The following SMAD5 variants were observed in gnomAD, a reference collection of about 807,000 sequenced individuals.
SMAD5 encodes MAD, mothers against decapentaplegic homolog 5.
A neutral mutation model predicts 43.1 loss-of-function variants in SMAD5; 9 were observed. That is an observed-to-expected ratio of 0.21 (90% CI 0.13 to 0.36). The LOEUF (loss-of-function observed/expected upper bound fraction) is 0.36, where lower values mean the gene tolerates loss of function less well. Ranked by LOEUF, SMAD5 falls within the 10% of genes least tolerant of loss-of-function variation. The pLI is 1.00. For missense variants in SMAD5, 348 were observed against 574.0 expected (o/e 0.61, Z 4.02); for synonymous variants, 190 against 192.4 (o/e 0.99, Z 0.10).
chr5:136,158,952 G>A (rs1049574329), intron 3 of SMAD5, among the ~76,000 whole-genome samples: 1 of 152,020 alleles, frequency 6.6e-6, no homozygotes, highest in Admixed American at 6.5e-5. Flanking sequence ...TAAATTATTT[G>A]ATTATTTGTT....
At chr5:136,146,303 G>A (rs1217010237) in intron 1 of SMAD5, among the ~76,000 whole-genome samples, 2 of 151,846 alleles carry the variant, frequency 1.3e-5, no homozygotes, top group Non-Finnish European at 2.9e-5. Context: ...AAAGACTGTT[G>A]CAGTTGCTAA....
rs150234733 is a variant in SMAD5, at chr5:136,149,337, C to T, written c.-170+1431C>T. Among the ~76,000 whole-genome samples the T allele has an allele frequency of 4.2e-3, 642 of 151,790 alleles. 10 individuals carry two copies. Among genetic ancestry groups the T allele is most frequent in the African/African-American group, 0.014 (596 of 41,442 alleles). On this transcript the variant is annotated intron_variant, in intron 2 of 7. Transcript: ENST00000545279. ...GCACTCATTTCTGTTGGATATATAC[C>T]TAGGAATGGAATTTCTGGGTCATAG...
intron 4 of SMAD5, 42 bp downstream of exon 4, chr5:136,161,149 T>G: frequency 6.4e-7 from 1 of 1,566,622 alleles, no homozygotes; most frequent in Non-Finnish European, 8.7e-7. Flanking sequence ...AAAAAATTCC[T>G]AAGAATCACA....
chr5:136,179,807 G>GA lies in SMAD5; in HGVS notation c.*2327_*2328insA, dbSNP rs1253469493. The GA allele has an allele frequency of 1.5e-5, 2 of 129,246 alleles. No individual in the cohort carries two copies. Among genetic ancestry groups the GA allele is most frequent in the African/African-American group, 6.9e-5 (2 of 28,906 alleles). The allele number at this position is 129,246 out of a possible 1,614,324, so 8.0% of individuals were successfully genotyped here. ...GCATGATCTCTGGAACAAATTTGTA[G>GA]GAAAAAATTACTCCAATTGAATGAC... On this transcript the variant is annotated 3_prime_UTR_variant, in exon 8 of 8. Coordinates refer to ENST00000545279, the MANE Select transcript of SMAD5 (RefSeq NM_005903.7).
At chr5:136,172,019 G>A (rs768287379) in intron 5 of SMAD5, among the ~76,000 whole-genome samples, 2 of 152,186 alleles carry the variant, frequency 1.3e-5, no homozygotes, top group Admixed American at 6.5e-5. Context: ...CATGCACTGA[G>A]GAGGGGCCAT....
At chr5:136,170,023 A>T (rs540195647) in intron 5 of SMAD5, among the ~76,000 whole-genome samples, 1 of 149,784 alleles carries the variant, frequency 6.7e-6, no homozygotes, top group Admixed American at 6.6e-5. Flanking sequence ...ACTTTTTCAG[A>T]TTTTTTTTTT....
chr5:136,171,522 CA>C (rs1354323674), intron 5 of SMAD5, among the ~76,000 whole-genome samples: 1 of 152,184 alleles, frequency 6.6e-6, no homozygotes, highest in Non-Finnish European at 1.5e-5. Context: ...AGGCCTAATG[CA>C]ATTTGCTTTG....
intron 5 of SMAD5, among the ~76,000 whole-genome samples, chr5:136,171,073 C>A (rs1754201986): frequency 6.6e-6 from 1 of 152,128 alleles, no homozygotes; most frequent in Non-Finnish European, 1.5e-5. Flanking sequence ...TTAGCAAGGA[C>A]TTCCAGTATG....
In SMAD5 at chr5:136,150,695, G is replaced by A. The variant is rs77426016; in HGVS notation, c.-170+2789G>A. ...GGATTTGGATTGGATCAGAAGGTGT[G>A]TATAGTGGAAGAGTAATGGGCAAGA... is the stretch of plus-strand genomic sequence containing the variant. On this transcript the variant is annotated intron_variant, in intron 2 of 7. Transcript: ENST00000545279. Among the ~76,000 whole-genome samples, 21 of 151,994 alleles carry A rather than the reference G, an allele frequency of 1.4e-4. No individual in the cohort carries two copies. In the South Asian group the frequency reaches 1.7e-3, roughly 12 times the overall value.
intron 5 of SMAD5, among the ~76,000 whole-genome samples, chr5:136,164,708 C>T (rs1020683696): frequency 2.0e-5 from 3 of 152,002 alleles, no homozygotes; most frequent in Non-Finnish European, 4.4e-5. Flanking sequence ...AGGGTAATAG[C>T]TTTAAATTTT....
chr5:136,176,698 TGAA>T (rs1409478449), intron 7 of SMAD5, among the ~76,000 whole-genome samples: 1 of 152,174 alleles, frequency 6.6e-6, no homozygotes, highest in Non-Finnish European at 1.5e-5. Context: ...ACCTTGCTGT[TGAA>T]GAGTTTTAAT....
chr5:136,161,032 C>T lies in SMAD5; in HGVS notation c.580C>T (p.Pro194Ser). ...TCCCTTATCTCCAAACAGCCCTTAT[C>T]CCCCTTCTCCTGCTAGCAGCACATA... ...PFPLSPNSPYPPSPASSTYPN... is the reference protein window; with the variant it reads ...PFPLSPNSPYSPSPASSTYPN... Residue 194 changes from proline (P) to serine (S), a missense_variant, in exon 4 of 8, where the codon CCC becomes TCC. Physicochemically the swap from Pro to Ser is moderately conservative, Grantham distance 74. Coordinates refer to ENST00000545279, the MANE Select transcript of SMAD5 (RefSeq NM_005903.7). 1 of 1,613,854 alleles carries T rather than the reference C, an allele frequency of 6.2e-7. No homozygotes were observed. The highest frequency in any genetic ancestry group is 8.5e-7 in the Non-Finnish European group (1 of 1,179,838).
In SMAD5 at chr5:136,153,626, T is replaced by C; in HGVS notation, c.-135T>C. 1 of 672,712 alleles carries C rather than the reference T, an allele frequency of 1.5e-6. No individual in the cohort carries two copies. The highest frequency in any genetic ancestry group is 2.5e-6 in the Non-Finnish European group (1 of 396,646). The allele number at this position is 672,712 out of a possible 1,614,324, so 41.7% of individuals were successfully genotyped here. A position where few individuals can be genotyped will look rare whatever the true frequency, so the allele number is the denominator to read the frequency against. Reference sequence around the variant, plus strand: ...CAATGAAAGAAGCATATGGCACTTGTGAAGATAAATGTTACTCCTCCCTTT... The same window carrying C: ...CAATGAAAGAAGCATATGGCACTTGCGAAGATAAATGTTACTCCTCCCTTT... On this transcript the variant is annotated 5_prime_UTR_variant, in exon 3 of 8. Coordinates refer to ENST00000545279, the MANE Select transcript of SMAD5 (RefSeq NM_005903.7).
chr5:136,132,848 CGGGTCCT>C lies in SMAD5; in HGVS notation c.-355_-349del, dbSNP rs971696982. On this transcript the variant is annotated 5_prime_UTR_variant, in exon 1 of 8. Transcript: ENST00000545279. ...GCTCCCTCTCCCTCCCTCCCTCATCCGGGTCCTGGGCGAGCGGGCGCCGTGCGCGTGT... is the reference window on the plus strand; with the variant it reads ...GCTCCCTCTCCCTCCCTCCCTCATCCGGGCGAGCGGGCGCCGTGCGCGTGT... The C allele has an allele frequency of 6.6e-6, 1 of 152,396 alleles. No homozygotes were observed. Among genetic ancestry groups the C allele is most frequent in the Non-Finnish European group, 1.5e-5 (1 of 68,160 alleles). 9.4% of individuals were successfully genotyped at this position (152,396 alleles called of 1,614,324 possible). A position where few individuals can be genotyped will look rare whatever the true frequency, so the allele number is the denominator to read the frequency against.
chr5:136,178,377 C>T lies in SMAD5; in HGVS notation c.*897C>T, dbSNP rs1754502337. On this transcript the variant is annotated 3_prime_UTR_variant, in exon 8 of 8. Transcript: ENST00000545279. ...AGCATAACCTTTGATAAAATACACT[C>T]AAGTGACTTGGACTTAGATGCTTAT... 6.6e-6 allele frequency: 1 copy of T among 152,650 alleles called. No individual in the cohort carries two copies. Among genetic ancestry groups the T allele is most frequent in the Non-Finnish European group, 1.5e-5 (1 of 68,044 alleles). The allele number at this position is 152,650 out of a possible 1,614,324, so 9.5% of individuals were successfully genotyped here.
At chr5:136,137,297 A>G (rs1167216523) in intron 1 of SMAD5, among the ~76,000 whole-genome samples, 1 of 135,362 alleles carries the variant, frequency 7.4e-6, no homozygotes, top group Non-Finnish European at 1.5e-5. Context: ...TTCCTATAGC[A>G]TATATGTACT....
rs550262981 is a variant in SMAD5 at position 136,144,371 on chromosome 5, G to C, written c.-244-3461G>C. The stretch of plus-strand genomic sequence containing the variant: ...TGACACTTAGCCTTCTGAAAGTTTG[G>C]TTTAATACGGCCCTAGTAAGAGCAA... On this transcript the variant is annotated intron_variant, in intron 1 of 7. Transcript: ENST00000545279. Among the ~76,000 whole-genome samples the C allele has an allele frequency of 4.6e-5, 7 of 152,022 alleles. No homozygotes were observed. The South Asian group carries it at 1.5e-3, about 32-fold the overall frequency.
intron 3 of SMAD5, among the ~76,000 whole-genome samples, chr5:136,159,330 AAG>A (rs1561649995): frequency 6.6e-6 from 1 of 152,192 alleles, no homozygotes; most frequent in Non-Finnish European, 1.5e-5. Flanking sequence ...TAAATGTTAT[AAG>A]AGATGGCTAA....
intron 6 of SMAD5, among the ~76,000 whole-genome samples, chr5:136,173,285 T>C (rs576374061): frequency 6.6e-6 from 1 of 152,338 alleles, no homozygotes; most frequent in South Asian, 2.1e-4. Flanking sequence ...CAAAGTCTCA[T>C]GCATCAAGTG....
Sources: allele counts gnomAD v4.1 joint callset (sites outside exome capture counted in the v4.1 genomes callset), GRCh38; gene constraint gnomAD v4.1.1; transcripts MANE v1.5; gene names NCBI Gene and HGNC (gene_info 2026-07-23, HGNC 2026-07-21).